The following CTNND2 variants were observed in gnomAD, a reference collection of about 807,000 sequenced individuals.
The protein encoded by CTNND2 is catenin delta 2.
CTNND2 carries 22 observed loss-of-function variants against 144.4 expected under a neutral mutation model. The ratio of observed to expected loss-of-function variants is 0.15; its 90% CI spans 0.11 to 0.22. The LOEUF (loss-of-function observed/expected upper bound fraction) is 0.22. Among genes scored for constraint, CTNND2 ranks in the 10% least tolerant of loss-of-function variants. CTNND2 has a pLI of 1.00. For missense variants in CTNND2, 1,353 were observed against 1,618.8 expected, an observed-to-expected ratio of 0.84 and a Z score of 2.82; for synonymous variants, 751 against 695.6, an observed-to-expected ratio of 1.08 and a Z score of -1.25.
intron 1 of CTNND2, among the ~76,000 whole-genome samples, chr5:11,857,239 C>T (rs1427220204): frequency 2.0e-5 from 3 of 152,070 alleles, no homozygotes; most frequent in South Asian, 2.1e-4. Context: ...ATGGAGCAAA[C>T]GTTGGAAAAG....
chr5:11,604,123 G>A (rs1437085713), intron 2 of CTNND2, among the ~76,000 whole-genome samples: 1 of 152,118 alleles, frequency 6.6e-6, no homozygotes, highest in Non-Finnish European at 1.5e-5. Flanking sequence ...TTCATGTTTT[G>A]TGAATATTCA....
intron 3 of CTNND2, 36 bp downstream of exon 3, chr5:11,564,908 T>C (rs373858109): frequency 3.4e-5 from 49 of 1,446,586 alleles, no homozygotes; most frequent in Non-Finnish European, 4.6e-5. Context: ...CAGGGGCAAC[T>C]CAAAGCACAG....
At chr5:11,332,699 A>G (rs548066719) in intron 9 of CTNND2, among the ~76,000 whole-genome samples, 3 of 152,214 alleles carry the variant, frequency 2.0e-5, no homozygotes, top group South Asian at 2.1e-4. Flanking sequence ...AGATTTGACT[A>G]TTCTAGGTAC....
intron 1 of CTNND2, among the ~76,000 whole-genome samples, chr5:11,843,469 T>A (rs1397904876): frequency 6.6e-6 from 1 of 152,186 alleles, no homozygotes; most frequent in Non-Finnish European, 1.5e-5. Context: ...GTCTTGAGAC[T>A]GTCAGGATTC....
At chr5:11,797,312 T>A (rs375132759) in intron 1 of CTNND2, among the ~76,000 whole-genome samples, 6 of 152,272 alleles carry the variant, frequency 3.9e-5, no homozygotes, top group Admixed American at 6.5e-5. Context: ...GCCTGGCACT[T>A]GCCTGCGTCT....
chr5:11,880,143 T>C (rs531250032), intron 1 of CTNND2, among the ~76,000 whole-genome samples: 1 of 152,282 alleles, frequency 6.6e-6, no homozygotes, highest in South Asian at 2.1e-4. Context: ...TTCATCCTGA[T>C]ACACAACCCC....
intron 1 of CTNND2, among the ~76,000 whole-genome samples, chr5:11,756,143 T>G (rs909992083): frequency 3.3e-5 from 5 of 151,664 alleles, no homozygotes; most frequent in Non-Finnish European, 5.9e-5. Flanking sequence ...AACATAAAAT[T>G]CGGAAAAGAA....
At chr5:11,880,911 CACCACTACTACT>C (rs1248164780) in intron 1 of CTNND2, among the ~76,000 whole-genome samples, 3 of 140,106 alleles carry the variant, frequency 2.1e-5, no homozygotes, top group Non-Finnish European at 3.1e-5. Context: ...CTACTACTAC[CACCACTACTACT>C]ACCACTACTA....
rs774123188 is a variant in CTNND2, at chr5:11,082,793, G to A, written c.2691C>T (p.Leu897=). ...CATTGTCTATTCGGAGCAGCTCCAC[G>A]AGGATGGGCAGGCCTTTCTCTTTTC... ...AVRKEKGLPI[L]VELLRIDNDR... Residue 897 remains leucine, a synonymous_variant, in exon 16 of 22, where the codon CTC becomes CTT. Coordinates refer to ENST00000304623, the MANE Select transcript of CTNND2 (RefSeq NM_001332.4). 31 of 1,614,192 alleles carry A rather than the reference G, an allele frequency of 1.9e-5. No individual in the cohort carries two copies. In the East Asian group the frequency reaches 2.9e-4, roughly 15 times the overall value.
At chr5:11,451,278 T>G (rs1218674475) in intron 3 of CTNND2, among the ~76,000 whole-genome samples, 6 of 152,160 alleles carry the variant, frequency 3.9e-5, no homozygotes, top group Non-Finnish European at 7.3e-5. Flanking sequence ...ACATAAGAGT[T>G]GAAAGCTTCT....
At chr5:11,311,473 C>T (rs986009557) in intron 9 of CTNND2, among the ~76,000 whole-genome samples, 1 of 149,962 alleles carries the variant, frequency 6.7e-6, no homozygotes. Flanking sequence ...ACACCCTCAA[C>T]CCACATGTAC....
intron 14 of CTNND2, among the ~76,000 whole-genome samples, chr5:11,110,226 G>A (rs1317516557): frequency 6.6e-6 from 1 of 152,148 alleles, no homozygotes; most frequent in African/African-American, 2.4e-5. Context: ...TGCTGCAGGG[G>A]AACCTACTTC....
intron 1 of CTNND2, among the ~76,000 whole-genome samples, chr5:11,777,359 A>T (rs1790314334): frequency 6.6e-6 from 1 of 152,250 alleles, no homozygotes; most frequent in South Asian, 2.1e-4. Context: ...ATTGGTTATA[A>T]AACACTTCTT....
intron 10 of CTNND2, among the ~76,000 whole-genome samples, chr5:11,199,957 C>G (rs781152956): frequency 1.6e-4 from 24 of 152,202 alleles, no homozygotes; most frequent in East Asian, 5.8e-4. Flanking sequence ...AAATATGCCA[C>G]AACCTCATGG....
intron 17 of CTNND2, among the ~76,000 whole-genome samples, chr5:11,019,119 TA>T (rs912624895): frequency 3.9e-5 from 6 of 152,206 alleles, no homozygotes; most frequent in African/African-American, 1.4e-4. Context: ...TTCTACAACA[TA>T]AACAAAAATA....
intron 9 of CTNND2, among the ~76,000 whole-genome samples, chr5:11,282,223 A>G (rs1747222183): frequency 6.6e-6 from 1 of 152,192 alleles, no homozygotes. Context: ...GGTATTGGAA[A>G]AAAAGCAATT....
At chr5:11,836,013 C>T (rs1369821328) in intron 1 of CTNND2, among the ~76,000 whole-genome samples, 5 of 152,122 alleles carry the variant, frequency 3.3e-5, no homozygotes, top group Non-Finnish European at 7.3e-5. Context: ...TGATACAATG[C>T]ATTTTAATTT....
intron 3 of CTNND2, among the ~76,000 whole-genome samples, chr5:11,466,193 G>C (rs1222001224): frequency 1.3e-5 from 2 of 152,000 alleles, no homozygotes; most frequent in Non-Finnish European, 2.9e-5. Context: ...GTAGAGACGG[G>C]GGCTTGCTAT....
At chr5:11,333,888 C>G (rs922607747) in intron 9 of CTNND2, among the ~76,000 whole-genome samples, 1 of 152,184 alleles carries the variant, frequency 6.6e-6, no homozygotes, top group Non-Finnish European at 1.5e-5. Flanking sequence ...ACTGGTCATA[C>G]GGGCCAGCTC....
Sources: allele counts gnomAD v4.1 joint callset (sites outside exome capture counted in the v4.1 genomes callset), GRCh38; gene constraint gnomAD v4.1.1; transcripts MANE v1.5; gene names NCBI Gene and HGNC (gene_info 2026-07-23, HGNC 2026-07-21).